The following PDS5B variants were observed in gnomAD, a reference collection of about 807,000 sequenced individuals.
PDS5B encodes sister chromatid cohesion protein PDS5 homolog B.
In PDS5B, 51 loss-of-function variants were observed where a neutral mutation model predicts 184.1. That is an observed-to-expected ratio of 0.28 (90% confidence interval 0.22 to 0.35). The LOEUF (loss-of-function observed/expected upper bound fraction) is 0.35, where lower values mean the gene tolerates loss of function less well. Among genes scored for constraint, PDS5B ranks in the 10% least tolerant of loss-of-function variants. The probability of loss-of-function intolerance (pLI) is 1.00; values close to 1 mark genes in which losing one functional copy is unlikely to be tolerated. For synonymous variants in PDS5B, 566 were observed against 569.2 expected (o/e 0.99, Z 0.08); for missense variants, 1,180 against 1,723.3 (o/e 0.68, Z 5.58).
At chr13:32,655,370 A>ATTTTTTTTTTTTTTTTTT (rs1228061305) in intron 3 of PDS5B, among the ~76,000 whole-genome samples, 1 of 26,920 alleles carries the variant, frequency 3.7e-5, no homozygotes, top group East Asian at 1.6e-3. Context: ...ATATATATAT[A>ATTTTTTTTTTTTTTTTTT]TATATTTTTT....
At chr13:32,627,388 G>A (rs1308269365) in intron 1 of PDS5B, among the ~76,000 whole-genome samples, 1 of 152,116 alleles carries the variant, frequency 6.6e-6, no homozygotes, top group Non-Finnish European at 1.5e-5. Flanking sequence ...GCTCTGTTGA[G>A]TTATTTGCAT....
chr13:32,645,242 C>G (rs1465805588), intron 1 of PDS5B, among the ~76,000 whole-genome samples: 1 of 152,184 alleles, frequency 6.6e-6, no homozygotes, highest in Non-Finnish European at 1.5e-5. Flanking sequence ...CTCAGCCTTC[C>G]AAAGTGCTGG....
At chr13:32,722,413 C>A (rs544398792) in intron 19 of PDS5B, among the ~76,000 whole-genome samples, 1 of 152,238 alleles carries the variant, frequency 6.6e-6, no homozygotes, top group African/African-American at 2.4e-5. Flanking sequence ...TTTTTCAGTA[C>A]CTTTTCTATG....
intron 8 of PDS5B, 99 bp downstream of exon 8, chr13:32,673,455 G>C: frequency 2.1e-6 from 2 of 933,030 alleles, no homozygotes; most frequent in Non-Finnish European, 3.2e-6. Flanking sequence ...CTGAATGTAA[G>C]AGATGAGGGG....
At chr13:32,591,393 A>G (rs2057773578) in intron 1 of PDS5B, among the ~76,000 whole-genome samples, 1 of 152,188 alleles carries the variant, frequency 6.6e-6, no homozygotes, top group Non-Finnish European at 1.5e-5. Context: ...CTGAGATTAC[A>G]GGCATGAGCC....
At chr13:32,756,096 G>T in intron 26 of PDS5B, 140 bp downstream of exon 26, 1 of 497,282 alleles carries the variant, frequency 2.0e-6, no homozygotes, top group Non-Finnish European at 3.6e-6. Context: ...TTGCTCTCTT[G>T]TCTTTCTTTT....
chr13:32,614,730 A>G (rs1056154543), intron 1 of PDS5B, among the ~76,000 whole-genome samples: 4 of 152,218 alleles, frequency 2.6e-5, no homozygotes, highest in Non-Finnish European at 4.4e-5. Flanking sequence ...AAAACGTTCA[A>G]AATGGTTGAG....
At position 32,758,141 on chromosome 13, in the gene PDS5B, C is replaced by T. The variant is rs369780472; in HGVS notation, c.3111C>T (p.His1037=). The change falls in exon 27 of 35, where the codon CAC becomes CAT. Residue 1037 remains histidine, a synonymous_variant. Transcript: ENST00000315596. ...TGGCTAAAAATGAAAATAACAGTCACGCTTTTATCAGAAAGATGGTAGAAA... is the reference window on the plus strand; with the variant it reads ...TGGCTAAAAATGAAAATAACAGTCATGCTTTTATCAGAAAGATGGTAGAAA... ...ILMAKNENNS[H]AFIRKMVENI... is the part of the protein sequence containing the mutation. 69 of 1,537,606 alleles carry T rather than the reference C, an allele frequency of 4.5e-5. No individual in the cohort carries two copies. The highest frequency in any genetic ancestry group is 3.5e-4 in the South Asian group (29 of 82,776).
chr13:32,758,682 G>C, intron 28 of PDS5B, 29 bp downstream of exon 28: 1 of 1,608,874 alleles, frequency 6.2e-7, no homozygotes. Context: ...GTTTGTGTAA[G>C]TTGAAATAAA....
chr13:32,681,200 C>CT, intron 10 of PDS5B, among the ~76,000 whole-genome samples: 1 of 152,146 alleles, frequency 6.6e-6, no homozygotes, highest in South Asian at 2.1e-4. Flanking sequence ...CTTGCGGTAT[C>CT]TCATTCTATA....
chr13:32,707,281 G>T (rs1405144839), intron 18 of PDS5B, among the ~76,000 whole-genome samples: 1 of 152,004 alleles, frequency 6.6e-6, no homozygotes, highest in East Asian at 1.9e-4. Flanking sequence ...ATAATTCAGG[G>T]TGTCATTAGT....
intron 1 of PDS5B, among the ~76,000 whole-genome samples, chr13:32,617,322 TATC>T (rs1330188526): frequency 6.6e-6 from 1 of 152,218 alleles, no homozygotes; most frequent in Non-Finnish European, 1.5e-5. Context: ...GTAGTTACAT[TATC>T]AGAGAGAGAG....
At chr13:32,619,524 G>A (rs2058265518) in intron 1 of PDS5B, among the ~76,000 whole-genome samples, 1 of 152,206 alleles carries the variant, frequency 6.6e-6, no homozygotes, top group Non-Finnish European at 1.5e-5. Context: ...GGGTGATGCA[G>A]TGAGTGAGTG....
intron 24 of PDS5B, among the ~76,000 whole-genome samples, chr13:32,747,142 G>T (rs1464090832): frequency 1.3e-5 from 2 of 152,102 alleles, no homozygotes; most frequent in Admixed American, 1.3e-4. Context: ...TTATATTTGG[G>T]CTGTACCGCT....
At chr13:32,594,130 A>G (rs2057819519) in intron 1 of PDS5B, among the ~76,000 whole-genome samples, 1 of 152,238 alleles carries the variant, frequency 6.6e-6, no homozygotes, top group Non-Finnish European at 1.5e-5. Context: ...TAAAAAGCAT[A>G]AAAATAAAAC....
At chr13:32,724,452 T>G (rs1280132143) in intron 19 of PDS5B, among the ~76,000 whole-genome samples, 1 of 152,214 alleles carries the variant, frequency 6.6e-6, no homozygotes, top group Non-Finnish European at 1.5e-5. Flanking sequence ...TCTTGTTTCT[T>G]GTGGGCTTTC....
intron 13 of PDS5B, 95 bp downstream of exon 13, chr13:32,688,664 A>G (rs775034638): frequency 1.5e-4 from 122 of 788,836 alleles, no homozygotes; most frequent in Admixed American, 3.0e-4. Context: ...TTTAAAATGT[A>G]ATCTATGTAG....
At chr13:32,598,239 A>AT (rs1190804563) in intron 1 of PDS5B, among the ~76,000 whole-genome samples, 4 of 150,970 alleles carry the variant, frequency 2.6e-5, no homozygotes, top group East Asian at 2.0e-4. Flanking sequence ...CGCCCAGCAA[A>AT]TTTTTTTGTA....
intron 19 of PDS5B, among the ~76,000 whole-genome samples, chr13:32,717,095 C>T (rs1181282997): frequency 7.4e-5 from 11 of 149,584 alleles, no homozygotes; most frequent in South Asian, 2.1e-4. Context: ...CCCGGCCAGC[C>T]GCCCCGTCCG....
Sources: gnomAD v4.1 joint callset for allele counts (sites outside exome capture counted in the v4.1 genomes callset) on GRCh38, gnomAD v4.1.1 for gene constraint, MANE v1.5 for transcripts, NCBI Gene and HGNC (gene_info 2026-07-23, HGNC 2026-07-21) for gene names.